BSPH1: variants seen among roughly 807,000 people sequenced by gnomAD.
The protein encoded by BSPH1 is binder of sperm 1.
BSPH1 carries 21 observed loss-of-function variants against 22.5 expected under a neutral mutation model. The observed-to-expected ratio is 0.93, with a 90% confidence interval of 0.66 to 1.35. BSPH1 has a LOEUF of 1.35. BSPH1 is among the 40% of genes most tolerant of loss of function. BSPH1 has a pLI of 0.00. For missense variants in BSPH1, 141 were observed against 154.2 expected (o/e 0.91, Z 0.45); for synonymous variants, 42 against 53.6 (o/e 0.78, Z 0.95).
intron 2 of BSPH1, 66 bp from the exon 3 acceptor site, chr19:47,979,665 G>C (rs138975608): frequency 1.5e-6 from 1 of 654,016 alleles, no homozygotes; most frequent in African/African-American, 1.9e-5. Context: ...GGGCTCTTAC[G>C]TAAAATAAAA....
intron 5 of BSPH1, among the ~76,000 whole-genome samples, chr19:47,972,837 G>C (rs546457880): frequency 1.3e-5 from 2 of 151,682 alleles, no homozygotes; most frequent in South Asian, 4.2e-4. Flanking sequence ...GTGTGTGTGT[G>C]TGTATACCCA....
intron 1 of BSPH1, among the ~76,000 whole-genome samples, chr19:47,984,960 A>G (rs1834957): frequency 0.68 from 102,273 of 151,076 alleles, 34,986 homozygotes; most frequent in African/African-American, 0.76. Flanking sequence ...CCAGCTACTC[A>G]GGAGGCTGAG....
intron 5 of BSPH1, among the ~76,000 whole-genome samples, chr19:47,976,424 G>T (rs115964249): frequency 1.3e-5 from 2 of 151,838 alleles, no homozygotes; most frequent in African/African-American, 4.8e-5. Flanking sequence ...AAGCCACCAC[G>T]CCTACCCCAT....
At position 47,976,735 on chromosome 19, in the gene BSPH1, G is replaced by C. The variant is rs759964757; in HGVS notation, c.376C>G (p.Arg126Gly). Residue 126 changes from arginine to glycine, a missense_variant, in exon 5 of 6, where the codon CGA becomes GGA. By Grantham distance (125) the Arg-to-Gly change is moderately radical. Transcript: ENST00000344839. ...CATCATTCACAGTATTTCCAAATTC[G>C]GTCCTTGTTAAAATTCTTGGTCAGT... ...CSLTKNFNKD[R>G]IWKYCE 3.3e-5 allele frequency: 51 copies of C among 1,551,554 alleles called. No individual in the cohort carries two copies. The highest frequency in any genetic ancestry group is 4.3e-5 in the Non-Finnish European group (49 of 1,146,940).
chr19:47,991,494 TCTCCTCCTCCTC>T (rs758807960), intron 1 of BSPH1, among the ~76,000 whole-genome samples: 1 of 126,838 alleles, frequency 7.9e-6, no homozygotes. Context: ...TTCTCTTCCT[TCTCCTCCTCCTC>T]CCCCTCCTTT....
chr19:47,969,788 TGAGA>T (rs959865553), intron 5 of BSPH1, among the ~76,000 whole-genome samples: 1 of 150,360 alleles, frequency 6.7e-6, no homozygotes, highest in Non-Finnish European at 1.5e-5. Flanking sequence ...TGTGTGTGTG[TGAGA>T]GAGACTTCAG....
chr19:47,989,061 C>T (rs1409426469), intron 1 of BSPH1, among the ~76,000 whole-genome samples: 1 of 151,562 alleles, frequency 6.6e-6, no homozygotes, highest in Non-Finnish European at 1.5e-5. Context: ...GATGCTCATG[C>T]TATTTAGTCT....
chr19:47,981,859 A>T (rs1969423354), intron 1 of BSPH1: 1 of 403,318 alleles, frequency 2.5e-6, no homozygotes, highest in Non-Finnish European at 3.4e-6. Flanking sequence ...CCTCCTTAGA[A>T]CTTGAATTTT....
At chr19:47,991,580 T>C (rs2122273252) in intron 1 of BSPH1, among the ~76,000 whole-genome samples, 1 of 78,566 alleles carries the variant, frequency 1.3e-5, no homozygotes. Context: ...TCCCTCTCTT[T>C]CCCCTCTGTC....
At chr19:47,989,426 G>T (rs1032851384) in intron 1 of BSPH1, among the ~76,000 whole-genome samples, 1 of 151,976 alleles carries the variant, frequency 6.6e-6, no homozygotes, top group Admixed American at 6.6e-5. Flanking sequence ...TTACAGGTGT[G>T]AGCCACCGCA....
At position 47,976,586 on chromosome 19, in the gene BSPH1, A is replaced by G. The variant is rs1969365283; in HGVS notation, c.*2+124T>C. Reference sequence around the variant, plus strand: ...TCACCTTCAACTCACATCCCAGAAAAAAAAAAAAAACAAAAAAAAACCCTC... The same window carrying G: ...TCACCTTCAACTCACATCCCAGAAAGAAAAAAAAAACAAAAAAAAACCCTC... On this transcript the variant is annotated intron_variant, in intron 5 of 5. Coordinates refer to ENST00000344839, the MANE Select transcript of BSPH1 (RefSeq NM_001128326.2). 6.2e-6 allele frequency: 4 copies of G among 644,642 alleles called. No homozygotes were observed. In the East Asian group the frequency reaches 1.2e-4, roughly 20 times the overall value. The allele number at this position is 644,642 out of a possible 1,614,324, so 39.9% of individuals were successfully genotyped here. A position where few individuals can be genotyped will look rare whatever the true frequency, so the allele number is the denominator to read the frequency against.
intron 5 of BSPH1, among the ~76,000 whole-genome samples, chr19:47,972,399 A>G (rs1455027016): frequency 6.6e-6 from 1 of 151,880 alleles, no homozygotes; most frequent in South Asian, 2.1e-4. Flanking sequence ...CATAATAAAC[A>G]TAGTGCTTTA....
chr19:47,973,261 A>AATAATG (rs1182970596), intron 5 of BSPH1, among the ~76,000 whole-genome samples: 5 of 145,904 alleles, frequency 3.4e-5, no homozygotes, highest in Admixed American at 6.9e-5. Context: ...TAATAATAAT[A>AATAATG]ATGTAGGCAG....
At chr19:47,978,550 T>C (rs1313971531) in intron 3 of BSPH1, among the ~76,000 whole-genome samples, 1 of 152,242 alleles carries the variant, frequency 6.6e-6, no homozygotes, top group African/African-American at 2.4e-5. Flanking sequence ...GAAGCATTTG[T>C]TTCTATAGAA....
chr19:47,978,714 A>G (rs1473768680), intron 3 of BSPH1, among the ~76,000 whole-genome samples: 2 of 152,232 alleles, frequency 1.3e-5, no homozygotes, highest in Non-Finnish European at 2.9e-5. Flanking sequence ...CACTTTAAAA[A>G]TGTTTACCTG....
chr19:47,991,443 T>G (rs1396002326), intron 1 of BSPH1, among the ~76,000 whole-genome samples: 3 of 149,460 alleles, frequency 2.0e-5, no homozygotes, highest in African/African-American at 7.4e-5. Flanking sequence ...TCCCTTCTCC[T>G]TCTCCTCTCC....
rs1389796111 is a variant in BSPH1, at chr19:47,982,685, CA to C, written c.74-1745del. 2.8e-4 allele frequency among the ~76,000 whole-genome samples: 42 copies of C among 151,992 alleles called. 1 individual carries two copies. Among genetic ancestry groups the C allele is most frequent in the Admixed American group, 2.8e-3 (42 of 15,250 alleles). On this transcript the variant is annotated intron_variant, in intron 1 of 5. Coordinates refer to ENST00000344839, the MANE Select transcript of BSPH1 (RefSeq NM_001128326.2). The stretch of plus-strand genomic sequence containing the variant: ...TCATGGTAGCATTATTCATAATAGC[CA>C]AAAGGTGGAAAGAACCCACATGTCC...
chr19:47,978,020 A>ATATATATATATG (rs66521353), intron 3 of BSPH1, among the ~76,000 whole-genome samples: 6 of 145,394 alleles, frequency 4.1e-5, no homozygotes, highest in African/African-American at 1.5e-4. Context: ...ATATATATAT[A>ATATATATATATG]TATATATATA....
chr19:47,988,153 C>T (rs1217339618), intron 1 of BSPH1, among the ~76,000 whole-genome samples: 4 of 152,076 alleles, frequency 2.6e-5, no homozygotes, highest in African/African-American at 9.7e-5. Context: ...AAATATTGCA[C>T]GATTCCACTT....
Sources: gnomAD v4.1 joint callset for allele counts (sites outside exome capture counted in the v4.1 genomes callset) on GRCh38, gnomAD v4.1.1 for gene constraint, MANE v1.5 for transcripts, NCBI Gene and HGNC (gene_info 2026-07-23, HGNC 2026-07-21) for gene names.